The following SMURF2 variants were observed in gnomAD, a reference collection of about 807,000 sequenced individuals.
The protein encoded by SMURF2 is SMAD specific E3 ubiquitin protein ligase 2.
Under a neutral mutation model 109.6 loss-of-function variants are expected in SMURF2, and 48 were observed. That is an observed-to-expected ratio of 0.44 (90% CI 0.35 to 0.56). The LOEUF (loss-of-function observed/expected upper bound fraction) is 0.56. Ranked by LOEUF, SMURF2 falls within the 20% of genes least tolerant of loss-of-function variation. The pLI is 0.01. For synonymous variants in SMURF2, 288 were observed against 317.1 expected (o/e 0.91, Z 0.97); for missense variants, 575 against 909.0 (o/e 0.63, Z 4.72).
chr17:64,582,522 C>A (rs1969591849), intron 7 of SMURF2, among the ~76,000 whole-genome samples: 1 of 152,202 alleles, frequency 6.6e-6, no homozygotes, highest in African/African-American at 2.4e-5. Context: ...AGTGACCATA[C>A]CTGACATTCT....
chr17:64,591,786 G>C (rs143295291), intron 4 of SMURF2, among the ~76,000 whole-genome samples: 1,660 of 152,254 alleles, frequency 0.011, 11 homozygotes, highest in Non-Finnish European at 0.017. Flanking sequence ...TTTTACAACT[G>C]TATGCCATCT....
chr17:64,555,275 G>A (rs7221172), intron 14 of SMURF2, among the ~76,000 whole-genome samples: 1 of 152,158 alleles, frequency 6.6e-6, no homozygotes, highest in African/African-American at 2.4e-5. Flanking sequence ...GTTACATTTG[G>A]CATTCTGAAG....
intron 1 of SMURF2, among the ~76,000 whole-genome samples, chr17:64,608,042 T>TC (rs1555689220): frequency 1.1e-3 from 161 of 150,886 alleles, no homozygotes; most frequent in African/African-American, 3.6e-3. Context: ...AATAAATAAA[T>TC]AAATCTGCTT....
chr17:64,615,601 A>T (rs1970109539), intron 1 of SMURF2, among the ~76,000 whole-genome samples: 1 of 152,182 alleles, frequency 6.6e-6, no homozygotes, highest in Admixed American at 6.5e-5. Flanking sequence ...ATGCTACAGA[A>T]AACTTCTACA....
intron 1 of SMURF2, among the ~76,000 whole-genome samples, chr17:64,650,045 C>T (rs919114526): frequency 1.3e-5 from 2 of 151,978 alleles, no homozygotes; most frequent in East Asian, 3.8e-4. Context: ...TTATTAATGT[C>T]GTACCTGCTC....
intron 1 of SMURF2, among the ~76,000 whole-genome samples, chr17:64,616,948 G>T (rs189695073): frequency 6.6e-6 from 1 of 151,412 alleles, no homozygotes; most frequent in African/African-American, 2.4e-5. Context: ...CGGCATGGTG[G>T]TGTGTGCCTG....
chr17:64,589,733 G>C (rs1446153180), intron 5 of SMURF2, among the ~76,000 whole-genome samples: 1 of 151,936 alleles, frequency 6.6e-6, no homozygotes, highest in East Asian at 1.9e-4. Flanking sequence ...CTAGTTGCAG[G>C]AAAACAAGCT....
chr17:64,583,636 G>A (rs575419145), intron 6 of SMURF2, 92 bp from the exon 7 acceptor site: 19 of 879,342 alleles, frequency 2.2e-5, no homozygotes, highest in East Asian at 9.8e-5. Context: ...GTTACAAATC[G>A]GGAATGCCAA....
At chr17:64,606,452 T>C (rs1598292683) in intron 2 of SMURF2, 150 bp downstream of exon 2, 2 of 653,824 alleles carry the variant, frequency 3.1e-6, no homozygotes, top group Admixed American at 6.9e-5. Flanking sequence ...AAAAAAAATG[T>C]GATGCCAAAT....
At chr17:64,625,921 A>G (rs1970262408) in intron 1 of SMURF2, among the ~76,000 whole-genome samples, 3 of 152,170 alleles carry the variant, frequency 2.0e-5, no homozygotes, top group Admixed American at 2.0e-4. Flanking sequence ...GGTTTACAGA[A>G]ACTCAAAAGC....
chr17:64,578,458 G>T, intron 9 of SMURF2, 34 bp downstream of exon 9: 2 of 1,353,094 alleles, frequency 1.5e-6, no homozygotes, highest in Non-Finnish European at 2.1e-6. Flanking sequence ...ATGGCTCTTT[G>T]ATGGTCTAAA....
intron 1 of SMURF2, among the ~76,000 whole-genome samples, chr17:64,658,305 C>T (rs777829090): frequency 1.3e-5 from 2 of 151,934 alleles, no homozygotes; most frequent in Admixed American, 1.3e-4. Flanking sequence ...TGCAGTGGGC[C>T]GAGATCAAGC....
At position 64,586,075 on chromosome 17, in the gene SMURF2, T is replaced by C. The variant is rs1555687039; in HGVS notation, c.485+11A>G. The C allele has an allele frequency of 6.3e-7, 1 of 1,584,312 alleles. No individual in the cohort carries two copies. Among genetic ancestry groups the C allele is most frequent in the Non-Finnish European group, 8.6e-7 (1 of 1,157,740 alleles). ...TATATTTCTCTAATGATTTCAGTGA[T>C]GTTAGCTTACCCGTCTGGTAAATCG... On this transcript the variant is annotated intron_variant, in intron 6 of 18. Transcript: ENST00000262435.
intron 1 of SMURF2, among the ~76,000 whole-genome samples, chr17:64,606,994 T>C (rs1423790791): frequency 6.6e-6 from 1 of 152,044 alleles, no homozygotes; most frequent in Non-Finnish European, 1.5e-5. Flanking sequence ...TATATCTATT[T>C]TAAGGATGAA....
chr17:64,603,433 T>C (rs1376267232), intron 2 of SMURF2, among the ~76,000 whole-genome samples: 11 of 151,652 alleles, frequency 7.3e-5, no homozygotes, highest in African/African-American at 2.7e-4. Context: ...AATACAAAAA[T>C]TAGCTGGGTG....
At chr17:64,650,949 C>T (rs1002860748) in intron 1 of SMURF2, among the ~76,000 whole-genome samples, 16 of 146,236 alleles carry the variant, frequency 1.1e-4, no homozygotes, top group Middle Eastern at 4.2e-3. Context: ...CGGCGGCTCA[C>T]GTCTGTAATC....
intron 10 of SMURF2, among the ~76,000 whole-genome samples, chr17:64,564,636 T>A (rs1969275600): frequency 6.6e-6 from 1 of 152,226 alleles, no homozygotes; most frequent in South Asian, 2.1e-4. Context: ...AAGAAGACTA[T>A]GGGAGGACAG....
intron 1 of SMURF2, among the ~76,000 whole-genome samples, chr17:64,659,351 C>T (rs1422122503): frequency 6.6e-6 from 1 of 151,940 alleles, no homozygotes; most frequent in Non-Finnish European, 1.5e-5. Flanking sequence ...TTTAAAACAC[C>T]TTATAGCCCA....
At position 64,543,440 on chromosome 17, in the gene SMURF2, A is replaced by C. The variant is rs1968902907; in HGVS notation, c.*2408T>G. On this transcript the variant is annotated 3_prime_UTR_variant, in exon 19 of 19. Transcript: ENST00000262435. ...AGGAGTGCGCCACCATGCCCGGCTA[A>C]ATTTTGTATTTTTAGTAGAGACAGG... 1 of 151,872 alleles carries C rather than the reference A, an allele frequency of 6.6e-6. No individual in the cohort carries two copies. The highest frequency in any genetic ancestry group is 6.6e-5 in the Admixed American group (1 of 15,222). The allele number at this position is 151,872 out of a possible 1,614,324, so 9.4% of individuals were successfully genotyped here. A position where few individuals can be genotyped will look rare whatever the true frequency, so the allele number is the denominator to read the frequency against.
Sources: allele counts gnomAD v4.1 joint callset (sites outside exome capture counted in the v4.1 genomes callset), GRCh38; gene constraint gnomAD v4.1.1; transcripts MANE v1.5; gene names NCBI Gene and HGNC (gene_info 2026-07-23, HGNC 2026-07-21).